The following TNIK variants were observed in gnomAD, a reference collection of about 807,000 sequenced individuals.
TNIK encodes the protein TRAF2 and NCK interacting kinase.
Under a neutral mutation model 191.3 loss-of-function variants are expected in TNIK, and 49 were observed. The observed-to-expected ratio is 0.26, with a 90% CI of 0.20 to 0.32. TNIK has a LOEUF of 0.32. Among genes scored for constraint, TNIK ranks in the 10% least tolerant of loss-of-function variants. The probability of loss-of-function intolerance (pLI) is 1.00; values close to 1 mark genes in which losing one functional copy is unlikely to be tolerated. For synonymous variants in TNIK, 594 were observed against 600.9 expected (o/e 0.99, Z 0.17); for missense variants, 1,155 against 1,702.3 (o/e 0.68, Z 5.66).
At chr3:171,095,948 A>G (rs1368023100) in intron 22 of TNIK, among the ~76,000 whole-genome samples, 1 of 152,196 alleles carries the variant, frequency 6.6e-6, no homozygotes, top group African/African-American at 2.4e-5. Context: ...TAGATTGGTA[A>G]ATCAGTTTTC....
intron 1 of TNIK, among the ~76,000 whole-genome samples, chr3:171,450,347 T>C (rs1728020357): frequency 6.6e-6 from 1 of 152,258 alleles, no homozygotes. Context: ...GTTCCGTACA[T>C]ACAAGCAACT....
At chr3:171,145,911 T>A (rs1173579128) in intron 12 of TNIK, among the ~76,000 whole-genome samples, 1 of 152,098 alleles carries the variant, frequency 6.6e-6, no homozygotes, top group African/African-American at 2.4e-5. Flanking sequence ...TAAAATTGCA[T>A]TTTATGATGT....
chr3:171,170,481 G>T (rs1170049491), intron 9 of TNIK, among the ~76,000 whole-genome samples: 1 of 152,196 alleles, frequency 6.6e-6, no homozygotes, highest in Non-Finnish European at 1.5e-5. Flanking sequence ...ACTTTGAGTT[G>T]CATCACTTAC....
chr3:171,333,434 G>A (rs1756611103), intron 2 of TNIK, among the ~76,000 whole-genome samples: 1 of 151,880 alleles, frequency 6.6e-6, no homozygotes, highest in African/African-American at 2.4e-5. Context: ...GCAGCCACCT[G>A]TAATCCCAGC....
chr3:171,153,080 A>G (rs1391242249), intron 12 of TNIK, among the ~76,000 whole-genome samples: 1 of 152,074 alleles, frequency 6.6e-6, no homozygotes, highest in Non-Finnish European at 1.5e-5. Context: ...GGCCAAAACT[A>G]TGTTTTAAAT....
At chr3:171,124,797 A>T (rs1454369750) in intron 17 of TNIK, among the ~76,000 whole-genome samples, 1 of 152,128 alleles carries the variant, frequency 6.6e-6, no homozygotes, top group East Asian at 1.9e-4. Context: ...ATTCATCTAA[A>T]ATTTTCTCCC....
intron 1 of TNIK, among the ~76,000 whole-genome samples, chr3:171,404,314 T>C (rs1411455771): frequency 6.6e-6 from 1 of 152,108 alleles, no homozygotes; most frequent in East Asian, 1.9e-4. Flanking sequence ...CCTCCACATT[T>C]CCAGAAGCTC....
intron 2 of TNIK, among the ~76,000 whole-genome samples, chr3:171,337,468 T>G (rs1487662320): frequency 1.3e-5 from 2 of 152,236 alleles, no homozygotes; most frequent in Non-Finnish European, 2.9e-5. Context: ...GGGACGCCTT[T>G]GCATGTAAAT....
At chr3:171,247,645 A>AG (rs1241282877) in intron 2 of TNIK, among the ~76,000 whole-genome samples, 22 of 151,990 alleles carry the variant, frequency 1.4e-4, no homozygotes, top group African/African-American at 5.1e-4. Context: ...ATGAACCCCA[A>AG]GAAAAAACAA....
intron 21 of TNIK, 160 bp from the exon 22 acceptor site, chr3:171,101,793 G>A (rs1324658856): frequency 3.0e-6 from 2 of 676,666 alleles, no homozygotes; most frequent in Admixed American, 6.4e-5. Flanking sequence ...AATGATGTTT[G>A]TAGCGTGTAG....
intron 2 of TNIK, among the ~76,000 whole-genome samples, chr3:171,263,988 C>T (rs978405273): frequency 1.3e-5 from 2 of 151,040 alleles, no homozygotes; most frequent in Non-Finnish European, 2.9e-5. Flanking sequence ...CTGAGGCATG[C>T]TACGGAGTTT....
At chr3:171,089,633 C>A (rs763611026) in intron 23 of TNIK, among the ~76,000 whole-genome samples, 1 of 152,176 alleles carries the variant, frequency 6.6e-6, no homozygotes, top group African/African-American at 2.4e-5. Context: ...TGAGTCATCA[C>A]CCTTTTGTTC....
chr3:171,155,982 T>C (rs913264375), intron 12 of TNIK, among the ~76,000 whole-genome samples: 2 of 152,180 alleles, frequency 1.3e-5, no homozygotes, highest in African/African-American at 2.4e-5. Context: ...CTGGAGATTA[T>C]TGTGAGGATT....
At chr3:171,373,177 TC>T (rs1215577440) in intron 1 of TNIK, among the ~76,000 whole-genome samples, 1 of 152,140 alleles carries the variant, frequency 6.6e-6, no homozygotes, top group African/African-American at 2.4e-5. Context: ...TAAAGTAATT[TC>T]CCCAAAAGGT....
chr3:171,289,024 T>G (rs1751379156), intron 2 of TNIK, among the ~76,000 whole-genome samples: 1 of 152,188 alleles, frequency 6.6e-6, no homozygotes, highest in Non-Finnish European at 1.5e-5. Context: ...ACTGATCCAA[T>G]AATTTAAATT....
At chr3:171,135,912 T>C (rs1251424222) in intron 15 of TNIK, among the ~76,000 whole-genome samples, 4 of 152,182 alleles carry the variant, frequency 2.6e-5, no homozygotes, top group African/African-American at 7.2e-5. Context: ...TCCTGAAAGC[T>C]TGGGAGCTAT....
intron 2 of TNIK, among the ~76,000 whole-genome samples, chr3:171,299,711 A>T (rs1251615869): frequency 1.3e-5 from 2 of 152,210 alleles, no homozygotes; most frequent in Non-Finnish European, 2.9e-5. Context: ...TCCATATTTT[A>T]ATAAAGCTAG....
rs1414899993 is a variant in TNIK at position 171,167,255 on chromosome 3, C to T, written c.789G>A (p.Gln263=). ...LKSKKWSKKF[Q]SFIESCLVKN... ...TTACCAAGCAGCTCTCAATAAATGA[C>T]TGGAATTTTTTTGACCTGCCAAACA... The change falls in exon 10 of 33, where the codon CAG becomes CAA. Residue 263 remains glutamine (Q), a synonymous_variant. Transcript: ENST00000436636. 6.2e-7 allele frequency: 1 copy of T among 1,612,242 alleles called. No homozygotes were observed. The highest frequency in any genetic ancestry group is 1.1e-5 in the South Asian group (1 of 90,494).
rs543971441 is a variant in TNIK at position 171,093,336 on chromosome 3, T to C, written c.2721+503A>G. On this transcript the variant is annotated intron_variant, in intron 23 of 32. Coordinates refer to ENST00000436636, the MANE Select transcript of TNIK (RefSeq NM_015028.4). Reference sequence around the variant, plus strand: ...CCAAGGTACATTTTTGAAGTAGATCTGCCTATTTCTTTGTTATTTCAATAA... The same window carrying C: ...CCAAGGTACATTTTTGAAGTAGATCCGCCTATTTCTTTGTTATTTCAATAA... 4.6e-5 allele frequency among the ~76,000 whole-genome samples: 7 copies of C among 152,372 alleles called. No homozygotes were observed. The South Asian group carries it at 1.2e-3, about 27-fold the overall frequency.
Sources: gnomAD v4.1 joint callset for allele counts (sites outside exome capture counted in the v4.1 genomes callset) on GRCh38, gnomAD v4.1.1 for gene constraint, MANE v1.5 for transcripts, NCBI Gene and HGNC (gene_info 2026-07-23, HGNC 2026-07-21) for gene names.